The following MDN1 variants were observed in gnomAD, a reference collection of about 807,000 sequenced individuals.
The protein encoded by MDN1 is midasin AAA ATPase 1, also known as midasin.
In MDN1, 266 loss-of-function variants were observed where a neutral mutation model predicts 669.2. The observed-to-expected ratio is 0.40, with a 90% CI of 0.36 to 0.44. The LOEUF is 0.44. MDN1 is among the 20% of genes least tolerant of loss of function. The probability of loss-of-function intolerance (pLI) is 1.00; values close to 1 mark genes in which losing one functional copy is unlikely to be tolerated. For missense variants in MDN1, 5,940 were observed against 6,754.0 expected (o/e 0.88, Z 4.22); for synonymous variants, 2,385 against 2,457.1 (o/e 0.97, Z 0.87).
In MDN1 at chr6:89,668,024, T is replaced by C; in HGVS notation, c.14084A>G (p.Asn4695Ser). 1 of 1,613,800 alleles carries C rather than the reference T, an allele frequency of 6.2e-7. No individual in the cohort carries two copies. The highest frequency in any genetic ancestry group is 8.5e-7 in the Non-Finnish European group (1 of 1,179,768). Residue 4695 changes from asparagine (N) to serine (S), a missense_variant, in exon 84 of 102, where the codon AAT (asparagine) becomes AGT (serine). This residue lies in a region of MDN1 where 2,280 missense variants were observed against 2,576.3 expected (regional missense o/e 0.88). Transcript: ENST00000369393. Reference sequence around the variant, plus strand: ...TATGTGAAAACGTACCTGTTCTTCATTTCCGATCTGGTCACTCACATCCTT... The same window carrying C: ...TATGTGAAAACGTACCTGTTCTTCACTTCCGATCTGGTCACTCACATCCTT... ...GMKDVSDQIG[N>S]EEQVEDTFQK...
At position 89,670,969 on chromosome 6, in the gene MDN1, C is replaced by A; in HGVS notation, c.13906G>T (p.Ala4636Ser). The A allele has an allele frequency of 1.2e-6, 2 of 1,614,160 alleles. No homozygotes were observed. The highest frequency in any genetic ancestry group is 4.5e-5 in the East Asian group (2 of 44,882). ...TGGGCAAGCACAGAGAGCAGCTTTG[C>A]AGTACTACGGTGAGTTGCTAAAGAC... ...TMSLATHRST[A>S]KLLSVLAQVF... is the part of the protein sequence containing the mutation. Residue 4636 changes from alanine to serine, a missense_variant, in exon 83 of 102, where the codon GCA (alanine) becomes TCA (serine). Ala to Ser is a moderately conservative substitution (Grantham distance 99, BLOSUM62 1). Transcript: ENST00000369393.
chr6:89,714,601 C>T lies in MDN1; in HGVS notation c.7011G>A (p.Gly2337=), dbSNP rs773828625. 12 of 1,613,962 alleles carry T rather than the reference C, an allele frequency of 7.4e-6. No individual in the cohort carries two copies. The highest frequency in any genetic ancestry group is 4.5e-5 in the East Asian group (2 of 44,898). ...KVLLHSLGLV[G]NSVCDILLAL... ...CCAAGAGGATGTCACATACACTGTT[C>T]CCCACCAATCCAAGGCTGTGCAGCA... Residue 2337 remains glycine, a synonymous_variant, in exon 46 of 102, where the codon GGG becomes GGA. Coordinates refer to ENST00000369393, the MANE Select transcript of MDN1 (RefSeq NM_014611.3).
chr6:89,648,019 T>C lies in MDN1; in HGVS notation c.16395+13A>G. ...AATAACTGTGCAGAAGACATTTTAT[T>C]TCATCCTCTTACCTGAGCAATCTTG... On this transcript the variant is annotated intron_variant, in intron 99 of 101. Transcript: ENST00000369393. 1 of 1,585,184 alleles carries C rather than the reference T, an allele frequency of 6.3e-7. No individual in the cohort carries two copies. The highest frequency in any genetic ancestry group is 8.7e-7 in the Non-Finnish European group (1 of 1,153,602).
chr6:89,687,825 G>A (rs1315541274), intron 67 of MDN1, among the ~76,000 whole-genome samples: 4 of 152,148 alleles, frequency 2.6e-5, no homozygotes, highest in Non-Finnish European at 5.9e-5. Context: ...AGGCCCACCT[G>A]GAAGGCTGGG....
chr6:89,812,097 T>C (rs1768458153), intron 1 of MDN1, among the ~76,000 whole-genome samples: 1 of 151,828 alleles, frequency 6.6e-6, no homozygotes, highest in African/African-American at 2.4e-5. Context: ...GCAATTCTCC[T>C]GCCTCAGCCT....
rs918065943 is a variant in MDN1 at position 89,656,885 on chromosome 6, T to C, written c.15184-84A>G. 4 of 1,110,820 alleles carry C rather than the reference T, an allele frequency of 3.6e-6. No homozygotes were observed. In the African/African-American group the frequency reaches 6.2e-5, roughly 17 times the overall value. The allele number at this position is 1,110,820 out of a possible 1,614,324, so 68.8% of individuals were successfully genotyped here. A position where few individuals can be genotyped will look rare whatever the true frequency, so the allele number is the denominator to read the frequency against. Reference sequence around the variant, plus strand: ...ACTGTGCTGCATTGAATACAACTTCTCTCACTGCTGTCCTTTATTCTCAGT... The same window carrying C: ...ACTGTGCTGCATTGAATACAACTTCCCTCACTGCTGTCCTTTATTCTCAGT... On this transcript the variant is annotated intron_variant, in intron 90 of 101. Coordinates refer to ENST00000369393, the MANE Select transcript of MDN1 (RefSeq NM_014611.3).
At chr6:89,798,477 G>A (rs1441288440) in intron 2 of MDN1, among the ~76,000 whole-genome samples, 5 of 151,776 alleles carry the variant, frequency 3.3e-5, no homozygotes, top group Non-Finnish European at 5.9e-5. Context: ...ATTCCGGCCC[G>A]GGCAACAAGA....
rs184231104 is a variant in MDN1, at chr6:89,777,882, A to G, written c.1726-1187T>C. On this transcript the variant is annotated intron_variant, in intron 11 of 101. Coordinates refer to ENST00000369393, the MANE Select transcript of MDN1 (RefSeq NM_014611.3). The stretch of plus-strand genomic sequence containing the variant: ...CCACCAAATTATCCATAAAAACCCT[A>G]GCTTCTGAGTTAACAGGGAGATTGA... Among the ~76,000 whole-genome samples, 511 of 152,200 alleles carry G rather than the reference A, an allele frequency of 3.4e-3. 7 individuals are homozygous for G. The highest frequency in any genetic ancestry group is 0.012 in the African/African-American group (487 of 41,508).
rs201577289 is a variant in MDN1 at position 89,754,154 on chromosome 6, G to A, written c.2893C>T (p.Arg965Trp). The A allele has an allele frequency of 9.3e-6, 15 of 1,614,010 alleles. No homozygotes were observed. Among genetic ancestry groups the A allele is most frequent in the Admixed American group, 5.0e-5 (3 of 59,992 alleles). ...AATCGCAGGGCCCGGCACAGAGTCC[G>A]AAGGCTGTAGTGAGGTCTATGGCCA... The part of the protein sequence containing the change: ...GTGHRPHYSL[R>W]TLCRALRFAA... The change falls in exon 21 of 102, where the codon CGG becomes TGG. Residue 965 changes from arginine to tryptophan, a missense_variant. Arg to Trp is a moderately radical substitution (Grantham distance 101). Around this residue, in one of 5 missense-constraint regions of MDN1, gnomAD observed 1,203 missense variants for 1,268.9 expected, o/e 0.95. Transcript: ENST00000369393.
In MDN1 at chr6:89,750,460, A is replaced by G. The variant is rs1816882327; in HGVS notation, c.3300T>C (p.Ala1100=). The G allele has an allele frequency of 6.2e-7, 1 of 1,613,750 alleles. No individual in the cohort carries two copies. The highest frequency in any genetic ancestry group is 8.5e-7 in the Non-Finnish European group (1 of 1,179,788). ...TAATACGCACACAGTGGTTGCCAGTAGCTGCAGCCAGCCACTGGATCAGGC... is the reference window on the plus strand; with the variant it reads ...TAATACGCACACAGTGGTTGCCAGTGGCTGCAGCCAGCCACTGGATCAGGC... The part of the protein sequence containing the change: ...KTSLIQWLAA[A]TGNHCVRINN... Residue 1100 remains alanine (A), a synonymous_variant, in exon 24 of 102, where the codon GCT becomes GCC. Transcript: ENST00000369393.
At chr6:89,775,099 T>C (rs1818289125) in intron 12 of MDN1, among the ~76,000 whole-genome samples, 3 of 152,154 alleles carry the variant, frequency 2.0e-5, no homozygotes, top group Admixed American at 6.5e-5. Flanking sequence ...ATTTCTAACA[T>C]AATGTTAGGA....
chr6:89,784,449 A>T (rs931736456), intron 9 of MDN1, among the ~76,000 whole-genome samples: 7 of 152,150 alleles, frequency 4.6e-5, no homozygotes, highest in African/African-American at 1.7e-4. Flanking sequence ...TTTGTCTGCC[A>T]CTCTCCTAGA....
At chr6:89,682,178 G>C (rs533743256) in intron 73 of MDN1, among the ~76,000 whole-genome samples, 2 of 152,296 alleles carry the variant, frequency 1.3e-5, no homozygotes, top group East Asian at 3.9e-4. Context: ...GCACATCACG[G>C]CACATATTCA....
At chr6:89,785,232 T>A (rs1818897172) in intron 8 of MDN1, 106 bp from the exon 9 acceptor site, 1 of 742,946 alleles carries the variant, frequency 1.3e-6, no homozygotes, top group South Asian at 1.6e-5. Flanking sequence ...AGGAAAAATA[T>A]TCATAATCCC....
chr6:89,761,755 A>T lies in MDN1; in HGVS notation c.2357-7T>A, dbSNP rs1258007533. The T allele has an allele frequency of 1.0e-5, 16 of 1,556,162 alleles. No homozygotes were observed. In the African/African-American group the frequency reaches 1.8e-4, roughly 17 times the overall value. ...TTCTCTTTTATGAGTAACCCTAAAA[A>T]AGAAAGACAAGAATTCAGCACACAT... On this transcript the variant is annotated splice_region_variant and splice_polypyrimidine_tract_variant and intron_variant, in intron 16 of 101. Coordinates refer to ENST00000369393, the MANE Select transcript of MDN1 (RefSeq NM_014611.3).
chr6:89,652,184 T>G lies in MDN1; in HGVS notation c.15915+8A>C. On this transcript the variant is annotated splice_region_variant and intron_variant, in intron 95 of 101. Transcript: ENST00000369393. Reference sequence around the variant, plus strand: ...ATTTTATGAAAAAAACAGTGAGCAGTGACTTACCTCCTCTGGGTTTCCAGA... The same window carrying G: ...ATTTTATGAAAAAAACAGTGAGCAGGGACTTACCTCCTCTGGGTTTCCAGA... 6.2e-7 allele frequency: 1 copy of G among 1,611,084 alleles called. No individual in the cohort carries two copies. Among genetic ancestry groups the G allele is most frequent in the Non-Finnish European group, 8.5e-7 (1 of 1,178,674 alleles).
intron 21 of MDN1, 116 bp downstream of exon 21, chr6:89,753,967 T>C (rs1262588684): frequency 1.1e-5 from 11 of 1,026,098 alleles, no homozygotes; most frequent in Middle Eastern, 3.4e-4. Context: ...AGAGGTATTA[T>C]GGGCTGATCT....
chr6:89,758,269 T>C lies in MDN1; in HGVS notation c.2688A>G (p.Pro896=). 1 of 1,610,042 alleles carries C rather than the reference T, an allele frequency of 6.2e-7. No homozygotes were observed. The highest frequency in any genetic ancestry group is 8.5e-7 in the Non-Finnish European group (1 of 1,177,676). ...CAAACCCTCACCTGTTTCTTATTCC[T>C]GGTGGGAGATTTCTTTTGCCTACAT... ...ATDVGKRNLP[P]GIRNRFTELY... Residue 896 remains proline (P), a synonymous_variant, in exon 19 of 102, where the codon CCA becomes CCG. Transcript: ENST00000369393.
In MDN1 at chr6:89,719,314, G is replaced by C. The variant is rs1400448433; in HGVS notation, c.5968-89C>G. ...CTAGAAAACAAGCACAGTGATAAGAGTCACTATTCTAAAAACACTGGCCAC... is the reference window on the plus strand; with the variant it reads ...CTAGAAAACAAGCACAGTGATAAGACTCACTATTCTAAAAACACTGGCCAC... On this transcript the variant is annotated intron_variant, in intron 40 of 101. Transcript: ENST00000369393. 9.5e-6 allele frequency: 10 copies of C among 1,047,316 alleles called. No individual in the cohort carries two copies. The South Asian group carries it at 1.2e-4, about 13-fold the overall frequency. The allele number at this position is 1,047,316 out of a possible 1,614,324, so 64.9% of individuals were successfully genotyped here.
Sources: gnomAD v4.1 joint callset for allele counts (sites outside exome capture counted in the v4.1 genomes callset) on GRCh38, gnomAD v4.1.1 for gene constraint, gnomAD v4.1.1 regional missense constraint, MANE v1.5 for transcripts, NCBI Gene and HGNC (gene_info 2026-07-23, HGNC 2026-07-21) for gene names.